Variants in UBE2E3 observed in about 807,000 individuals in gnomAD.
UBE2E3 encodes the protein ubiquitin-conjugating enzyme E2 E3.
A neutral mutation model predicts 23.6 loss-of-function variants in UBE2E3; 5 were observed. The ratio of observed to expected loss-of-function variants is 0.21; its 90% confidence interval spans 0.11 to 0.44. The LOEUF (loss-of-function observed/expected upper bound fraction) is 0.44. Among genes scored for constraint, UBE2E3 ranks in the 20% least tolerant of loss-of-function variants. UBE2E3 has a pLI of 0.99. For missense variants in UBE2E3, 81 were observed against 249.8 expected (o/e 0.32, Z 4.55); for synonymous variants, 78 against 87.5 (o/e 0.89, Z 0.60).
chr2:181,062,125 G>A (rs1287023725), intron 5 of UBE2E3, among the ~76,000 whole-genome samples: 2 of 151,774 alleles, frequency 1.3e-5, no homozygotes, highest in East Asian at 1.9e-4. Context: ...GGTAACAATT[G>A]TTTGCCAGGG....
At chr2:181,023,598 A>G (rs970674503) in intron 3 of UBE2E3, among the ~76,000 whole-genome samples, 1 of 152,164 alleles carries the variant, frequency 6.6e-6, no homozygotes, top group African/African-American at 2.4e-5. Context: ...ATAGAACAGT[A>G]GCCATGCTCT....
upstream of UBE2E3, chr2:180,980,447 G>C (rs910245294): frequency 6.6e-5 from 10 of 150,850 alleles, no homozygotes; most frequent in Admixed American, 5.3e-4. This position sits in a 1 kb window ranked among gnomAD's most constrained non-coding sequence, Gnocchi z 5.5. Flanking sequence ...GGGCGGACGC[G>C]TGCACCCCCA....
At chr2:181,031,635 C>T (rs1340625416) in intron 3 of UBE2E3, among the ~76,000 whole-genome samples, 2 of 152,066 alleles carry the variant, frequency 1.3e-5, no homozygotes, top group Non-Finnish European at 2.9e-5. Flanking sequence ...GCCCCTCCTC[C>T]TTGCCTTGCC....
intron 3 of UBE2E3, among the ~76,000 whole-genome samples, chr2:181,015,633 A>G (rs879888262): frequency 1.3e-5 from 2 of 152,200 alleles, no homozygotes; most frequent in African/African-American, 4.8e-5. Context: ...ATTTTTTATA[A>G]TAACAGATAA....
At chr2:181,034,594 T>G (rs1686205602) in intron 3 of UBE2E3, among the ~76,000 whole-genome samples, 1 of 152,096 alleles carries the variant, frequency 6.6e-6, no homozygotes, top group Admixed American at 6.6e-5. Context: ...AGTTAATGGG[T>G]GCAGCACACC....
At chr2:181,055,255 A>T (rs1686957499) in intron 3 of UBE2E3, among the ~76,000 whole-genome samples, 1 of 151,792 alleles carries the variant, frequency 6.6e-6, no homozygotes, top group Non-Finnish European at 1.5e-5. Context: ...ATTTTAAAAA[A>T]TAATAATAAA....
intron 3 of UBE2E3, among the ~76,000 whole-genome samples, chr2:180,985,789 A>G (rs1009879376): frequency 6.6e-6 from 1 of 152,166 alleles, no homozygotes; most frequent in Non-Finnish European, 1.5e-5. Context: ...GTAGGGTCAA[A>G]CATTTTTAAA....
At chr2:181,035,659 C>A (rs577863405) in intron 3 of UBE2E3, among the ~76,000 whole-genome samples, 3 of 152,154 alleles carry the variant, frequency 2.0e-5, no homozygotes, top group African/African-American at 7.2e-5. Flanking sequence ...AATTCGAAAA[C>A]TTCCTTGAAA....
intron 3 of UBE2E3, among the ~76,000 whole-genome samples, chr2:181,041,447 A>ATT (rs112534224): frequency 0.014 from 2,044 of 147,462 alleles, 18 homozygotes; most frequent in Admixed American, 0.023. Context: ...AACATAAGGA[A>ATT]TTTTTTTTTT....
chr2:181,030,078 T>G (rs1305829604), intron 3 of UBE2E3, among the ~76,000 whole-genome samples: 1 of 152,016 alleles, frequency 6.6e-6, no homozygotes, highest in African/African-American at 2.4e-5. Context: ...ATGATCCACC[T>G]GCTTCGGCCT....
Position 181,041,234 on chromosome 2 carries a change from C to CAAAAAAAAAAAAAAAAAAA in UBE2E3, c.246-16458_246-16440dup, listed in dbSNP as rs1206207155. Among the ~76,000 whole-genome samples, 219 of 77,116 alleles carry CAAAAAAAAAAAAAAAAAAA rather than the reference C, an allele frequency of 2.8e-3. 31 individuals carry two copies. Among genetic ancestry groups the CAAAAAAAAAAAAAAAAAAA allele is most frequent in the Non-Finnish European group, 4.0e-3 (166 of 41,940 alleles). 50.6% of individuals were successfully genotyped at this position (77,116 alleles called of 152,430 possible). A position where few individuals can be genotyped will look rare whatever the true frequency, so the allele number is the denominator to read the frequency against. ...CTAACGACAGAGCAAGACTCCGTCT[C>CAAAAAAAAAAAAAAAAAAA]AAAAAAAAAAAAAAAAAAAGATAGA... On this transcript the variant is annotated intron_variant, in intron 3 of 5. Coordinates refer to ENST00000410062, the MANE Select transcript of UBE2E3 (RefSeq NM_006357.4).
intron 3 of UBE2E3, 80 bp from the exon 4 acceptor site, chr2:181,057,613 T>G: frequency 7.9e-7 from 1 of 1,261,802 alleles, no homozygotes; most frequent in Non-Finnish European, 1.1e-6. Flanking sequence ...CTAATTTACC[T>G]TTAACACTTC....
In UBE2E3 at chr2:181,056,018, G is replaced by C. The variant is rs191484305; in HGVS notation, c.246-1675G>C. Among the ~76,000 whole-genome samples, 18 of 150,610 alleles carry C rather than the reference G, an allele frequency of 1.2e-4. No individual in the cohort carries two copies. The East Asian group carries it at 2.0e-3, about 16-fold the overall frequency. ...CAACATTCGCACTGAAAGGAACCCT[G>C]GCTCTTTGGAAAAATGTTTGATTCC... On this transcript the variant is annotated intron_variant, in intron 3 of 5. Coordinates refer to ENST00000410062, the MANE Select transcript of UBE2E3 (RefSeq NM_006357.4).
chr2:181,045,252 T>C lies in UBE2E3; in HGVS notation c.246-12441T>C, dbSNP rs1574216243. On this transcript the variant is annotated intron_variant, in intron 3 of 5. Transcript: ENST00000410062. Reference sequence around the variant, plus strand: ...AAAGCTGTTATATTATGCTGATTATTGTTACAGCTTTTTGAGGTGGTGATA... The same window carrying C: ...AAAGCTGTTATATTATGCTGATTATCGTTACAGCTTTTTGAGGTGGTGATA... 5.9e-5 allele frequency among the ~76,000 whole-genome samples: 9 copies of C among 152,332 alleles called. 1 individual carries two copies. In the South Asian group the frequency reaches 1.9e-3, roughly 32 times the overall value.
chr2:181,047,419 C>G (rs1333714419), intron 3 of UBE2E3, among the ~76,000 whole-genome samples: 1 of 152,096 alleles, frequency 6.6e-6, no homozygotes, highest in African/African-American at 2.4e-5. Flanking sequence ...CTTTATCTTA[C>G]TTGTCTGTCT....
At chr2:181,051,968 G>A (rs1271110669) in intron 3 of UBE2E3, among the ~76,000 whole-genome samples, 4 of 151,854 alleles carry the variant, frequency 2.6e-5, no homozygotes, top group African/African-American at 7.2e-5. Context: ...TATAGAGTCT[G>A]AAGACACTGG....
At chr2:180,983,602 G>C (rs1684367812) in intron 2 of UBE2E3, among the ~76,000 whole-genome samples, 1 of 152,146 alleles carries the variant, frequency 6.6e-6, no homozygotes, top group Admixed American at 6.5e-5. Flanking sequence ...AATATTGTCA[G>C]AACTGTTAAT....
At chr2:180,988,728 CAT>C (rs989125364) in intron 3 of UBE2E3, among the ~76,000 whole-genome samples, 53 of 152,226 alleles carry the variant, frequency 3.5e-4, no homozygotes, top group Middle Eastern at 6.8e-3. Flanking sequence ...ATTGAAATAA[CAT>C]GTGATCCCTA....
chr2:181,050,609 C>G (rs1005039223), intron 3 of UBE2E3, among the ~76,000 whole-genome samples: 5 of 151,798 alleles, frequency 3.3e-5, no homozygotes, highest in African/African-American at 7.3e-5. Flanking sequence ...TTGGCAGGAG[C>G]TGGGTAATTA....
Sources: gnomAD v4.1 joint callset for allele counts (sites outside exome capture counted in the v4.1 genomes callset) on GRCh38, gnomAD v4.1.1 for gene constraint, Gnocchi (gnomAD v3.1) non-coding constraint, MANE v1.5 for transcripts, NCBI Gene and HGNC (gene_info 2026-07-23, HGNC 2026-07-21) for gene names.